COL4A1: variants seen among roughly 807,000 people sequenced by gnomAD.
The protein encoded by COL4A1 is collagen alpha-1(IV) chain.
Under a neutral mutation model 216.6 loss-of-function variants are expected in COL4A1, and 40 were observed. That is an observed-to-expected ratio of 0.18 (90% CI 0.14 to 0.24). COL4A1 has a LOEUF of 0.24. Among genes scored for constraint, COL4A1 ranks in the 10% least tolerant of loss-of-function variants. The probability of loss-of-function intolerance (pLI) is 1.00; values close to 1 mark genes in which losing one functional copy is unlikely to be tolerated. For missense variants in COL4A1, 1,628 were observed against 2,196.8 expected, an observed-to-expected ratio of 0.74 and a Z score of 5.18; for synonymous variants, 839 against 810.7, an observed-to-expected ratio of 1.03 and a Z score of -0.59.
rs72652096 is a variant in COL4A1 at position 110,160,892 on chromosome 13, G to A, written c.4640+300C>T. 0.16 allele frequency: 61,739 copies of A among 390,918 alleles called. 5,344 individuals are homozygous for A. The highest frequency in any genetic ancestry group is 0.31 in the East Asian group (5,149 of 16,780). 24.2% of individuals were successfully genotyped at this position (390,918 alleles called of 1,614,324 possible). A position where few individuals can be genotyped will look rare whatever the true frequency, so the allele number is the denominator to read the frequency against. On this transcript the variant is annotated intron_variant, in intron 49 of 51. Transcript: ENST00000375820. ...CCCAGCTAACTTTTGTATTTTTTGT[G>A]GAGATGAAGTCTCGTCATCTTGCCC...
intron 43 of COL4A1, 63 bp from the exon 44 acceptor site, chr13:110,167,293 C>T: frequency 4.7e-6 from 6 of 1,273,766 alleles, no homozygotes; most frequent in South Asian, 3.6e-5. Flanking sequence ...TCTCCAGTAA[C>T]CTGCTAGTTG....
intron 21 of COL4A1, 27 bp from the exon 22 acceptor site, chr13:110,195,145 G>A (rs1364287949): frequency 6.3e-7 from 1 of 1,594,272 alleles, no homozygotes; most frequent in Non-Finnish European, 8.6e-7. Context: ...AGAGTTATAG[G>A]ATCATAGCTA....
At chr13:110,286,404 G>A (rs993569008) in intron 1 of COL4A1, among the ~76,000 whole-genome samples, 5 of 152,210 alleles carry the variant, frequency 3.3e-5, no homozygotes, top group Admixed American at 1.3e-4. Flanking sequence ...GGAGGGGCCC[G>A]CTGTCCGGTC....
rs528550103 is a variant in COL4A1, at chr13:110,166,148, A to C, written c.4021+84T>G. On this transcript the variant is annotated intron_variant, in intron 45 of 51. Coordinates refer to ENST00000375820, the MANE Select transcript of COL4A1 (RefSeq NM_001845.6). ...TGAGTCATTTCACATATGAAAAACCAAACACCCCAATTCTGTGCATTCCTG... is the reference window on the plus strand; with the variant it reads ...TGAGTCATTTCACATATGAAAAACCCAACACCCCAATTCTGTGCATTCCTG... 7.0e-6 allele frequency: 6 copies of C among 854,868 alleles called. No homozygotes were observed. In the African/African-American group the frequency reaches 8.2e-5, roughly 12 times the overall value. 53.0% of individuals were successfully genotyped at this position (854,868 alleles called of 1,614,324 possible). A position where few individuals can be genotyped will look rare whatever the true frequency, so the allele number is the denominator to read the frequency against.
chr13:110,266,731 C>T (rs756908822), intron 1 of COL4A1, among the ~76,000 whole-genome samples: 1 of 152,158 alleles, frequency 6.6e-6, no homozygotes, highest in African/African-American at 2.4e-5. Flanking sequence ...TTGGGTCTAA[C>T]GCTGACATGT....
chr13:110,291,765 T>C (rs577803127), intron 1 of COL4A1, among the ~76,000 whole-genome samples: 12 of 152,338 alleles, frequency 7.9e-5, no homozygotes, highest in African/African-American at 2.9e-4. Flanking sequence ...CTGAGCTGGG[T>C]TCCTAGAGGG....
intron 2 of COL4A1, among the ~76,000 whole-genome samples, chr13:110,240,794 C>G (rs1462067544): frequency 6.6e-6 from 1 of 152,216 alleles, no homozygotes. Flanking sequence ...TATCATTCTC[C>G]CTTGTCATGT....
chr13:110,240,500 C>A (rs1444126948), intron 2 of COL4A1, among the ~76,000 whole-genome samples: 3 of 152,260 alleles, frequency 2.0e-5, no homozygotes, highest in African/African-American at 7.2e-5. Flanking sequence ...CCCCACACTT[C>A]TCTGCCTTCC....
At chr13:110,164,788 A>G (rs2139149066) in intron 46 of COL4A1, 74 bp downstream of exon 46, 2 of 1,573,524 alleles carry the variant, frequency 1.3e-6, no homozygotes, top group African/African-American at 1.4e-5. Flanking sequence ...TTTTAGATAC[A>G]TGGGTGAGGA....
rs770578693 is a variant in COL4A1 at position 110,198,561 on chromosome 13, T to C, written c.1191A>G (p.Gly397=). 6.2e-7 allele frequency: 1 copy of C among 1,613,988 alleles called. No individual in the cohort carries two copies. The highest frequency in any genetic ancestry group is 2.2e-5 in the East Asian group (1 of 44,866). The part of the protein sequence containing the change: ...PGERGEKGDR[G]FPGTSLPGPS... Reference sequence around the variant, plus strand: ...GTCCTGGCAGAGATGTACCAGGAAATCCTCGGTCACCTTTTTCTCCTCTTT... The same window carrying C: ...GTCCTGGCAGAGATGTACCAGGAAACCCTCGGTCACCTTTTTCTCCTCTTT... The change falls in exon 21 of 52, where the codon GGA becomes GGG. Residue 397 remains glycine (G), a synonymous_variant. Coordinates refer to ENST00000375820, the MANE Select transcript of COL4A1 (RefSeq NM_001845.6).
At chr13:110,225,804 T>G (rs1409442842) in intron 2 of COL4A1, among the ~76,000 whole-genome samples, 1 of 152,146 alleles carries the variant, frequency 6.6e-6, no homozygotes, top group Non-Finnish European at 1.5e-5. Context: ...GCAAAGAACC[T>G]AAGCCTGGAA....
intron 1 of COL4A1, among the ~76,000 whole-genome samples, chr13:110,267,008 G>T (rs1372225092): frequency 1.3e-5 from 2 of 152,230 alleles, no homozygotes; most frequent in Non-Finnish European, 2.9e-5. Context: ...GCATAAGGCA[G>T]CAGAGTTGCA....
chr13:110,213,338 A>G (rs950460250), intron 4 of COL4A1, among the ~76,000 whole-genome samples: 1 of 152,246 alleles, frequency 6.6e-6, no homozygotes, highest in African/African-American at 2.4e-5. Context: ...CTGCCCATGC[A>G]CAAAATAACT....
chr13:110,210,314 A>G, intron 8 of COL4A1, 102 bp from the exon 9 acceptor site: 1 of 1,120,756 alleles, frequency 8.9e-7, no homozygotes, highest in Non-Finnish European at 1.3e-6. Flanking sequence ...TTACAGGACT[A>G]GCCTAAGTCT....
At chr13:110,225,532 G>A (rs1051494307) in intron 2 of COL4A1, among the ~76,000 whole-genome samples, 11 of 152,296 alleles carry the variant, frequency 7.2e-5, no homozygotes, top group African/African-American at 1.4e-4. Flanking sequence ...GCAGTGAGCC[G>A]AGATCATGCC....
chr13:110,282,990 C>T (rs958952611), intron 1 of COL4A1, among the ~76,000 whole-genome samples: 3 of 152,190 alleles, frequency 2.0e-5, no homozygotes, highest in East Asian at 1.9e-4. Flanking sequence ...CTTCCAGGTG[C>T]CCCTGAGGCC....
chr13:110,251,365 C>A (rs966993873), intron 1 of COL4A1, among the ~76,000 whole-genome samples: 3 of 152,244 alleles, frequency 2.0e-5, no homozygotes, highest in Non-Finnish European at 4.4e-5. Flanking sequence ...GTGGGTGGGG[C>A]AGGGGAAGCA....
chr13:110,201,328 AAGGAGGAGGAGGAACAGG>A (rs1165376723), intron 19 of COL4A1, 92 bp downstream of exon 19: 11 of 667,104 alleles, frequency 1.6e-5, no homozygotes, highest in African/African-American at 4.0e-5. Context: ...GGGGAGGAGG[AAGGAGGAGGAGGAACAGG>A]AGGAGGAGGA....
At chr13:110,231,749 T>C (rs1881075820) in intron 2 of COL4A1, among the ~76,000 whole-genome samples, 2 of 152,194 alleles carry the variant, frequency 1.3e-5, no homozygotes, top group Non-Finnish European at 2.9e-5. Flanking sequence ...GGCTCTACTA[T>C]AGACAGATGT....
Sources: allele counts gnomAD v4.1 joint callset (sites outside exome capture counted in the v4.1 genomes callset), GRCh38; gene constraint gnomAD v4.1.1; transcripts MANE v1.5; gene names NCBI Gene and HGNC (gene_info 2026-07-23, HGNC 2026-07-21).